The following ACCSL variants were observed in gnomAD, a reference collection of about 807,000 sequenced individuals.
ACCSL encodes probable inactive 1-aminocyclopropane-1-carboxylate synthase-like protein 2.
In ACCSL, 55 loss-of-function variants were observed where a neutral mutation model predicts 61.7. That is an observed-to-expected ratio of 0.89 (90% CI 0.72 to 1.12). The LOEUF (loss-of-function observed/expected upper bound fraction) is 1.12, where lower values mean the gene tolerates loss of function less well. ACCSL is among the 50% of genes most tolerant of loss of function. ACCSL has a pLI of 0.00. For synonymous variants in ACCSL, 258 were observed against 264.3 expected, an observed-to-expected ratio of 0.98 and a Z score of 0.23; for missense variants, 632 against 698.0, an observed-to-expected ratio of 0.91 and a Z score of 1.07.
At chr11:43,954,567 G>A in the ACCSL span, among the ~76,000 whole-genome samples, 1 of 150,268 alleles carries the variant, frequency 6.7e-6, no homozygotes, top group South Asian at 2.1e-4. Context: ...GTGCCATGTT[G>A]GCTGTTTCTT....
chr11:44,055,114 G>A, intron 8 of ACCSL, 88 bp from the exon 9 acceptor site: 4 of 926,320 alleles, frequency 4.3e-6, no homozygotes, highest in Non-Finnish European at 6.6e-6. Context: ...CATGACTTAA[G>A]ATTACAAAGA....
chr11:43,921,619 T>C, the ACCSL span, among the ~76,000 whole-genome samples: 4 of 152,320 alleles, frequency 2.6e-5, no homozygotes, highest in East Asian at 7.7e-4. Context: ...TCCTTACTAA[T>C]GAAAGAACTG....
At chr11:44,034,331 C>G in the ACCSL span, among the ~76,000 whole-genome samples, 1 of 152,090 alleles carries the variant, frequency 6.6e-6, no homozygotes, top group African/African-American at 2.4e-5. Flanking sequence ...TGACATGGCC[C>G]CTGGCTGAGC....
the ACCSL span, among the ~76,000 whole-genome samples, chr11:44,031,960 C>T: frequency 1.3e-5 from 2 of 152,274 alleles, no homozygotes; most frequent in East Asian, 1.9e-4. Flanking sequence ...TGGGAAATTC[C>T]CTCAAGCTCT....
chr11:44,039,647 C>T, the ACCSL span, among the ~76,000 whole-genome samples: 1 of 152,128 alleles, frequency 6.6e-6, no homozygotes, highest in Non-Finnish European at 1.5e-5. Flanking sequence ...TCCCAAAAAC[C>T]TATGGAAATA....
the ACCSL span, among the ~76,000 whole-genome samples, chr11:43,953,059 G>C: frequency 6.6e-6 from 1 of 152,132 alleles, no homozygotes; most frequent in African/African-American, 2.4e-5. Context: ...TCCTATCCCT[G>C]TCTGTCAGAG....
At chr11:43,925,684 ACTGT>A in the ACCSL span, among the ~76,000 whole-genome samples, 6 of 151,906 alleles carry the variant, frequency 3.9e-5, no homozygotes, top group East Asian at 2.0e-4. Flanking sequence ...TGCCGGAATG[ACTGT>A]CTGAGCCCTG....
chr11:43,990,066 C>G, the ACCSL span, among the ~76,000 whole-genome samples: 1 of 152,214 alleles, frequency 6.6e-6, no homozygotes, highest in Non-Finnish European at 1.5e-5. Context: ...GCCCTGACCC[C>G]AGCATGCCTG....
the ACCSL span, among the ~76,000 whole-genome samples, chr11:43,968,236 G>A: frequency 2.7e-5 from 4 of 148,698 alleles, no homozygotes; most frequent in African/African-American, 5.0e-5. Flanking sequence ...TTTAGGGTGA[G>A]ACCCTTTAGG....
chr11:43,987,933 C>G, the ACCSL span, among the ~76,000 whole-genome samples: 7 of 152,044 alleles, frequency 4.6e-5, no homozygotes, highest in South Asian at 2.1e-4. Flanking sequence ...TCCCCCACCC[C>G]CCCGCAGGGA....
chr11:44,051,611 A>G, intron 4 of ACCSL, 42 bp from the exon 5 acceptor site: 1 of 1,610,692 alleles, frequency 6.2e-7, no homozygotes, highest in Non-Finnish European at 8.5e-7. Context: ...CTTCTCACAT[A>G]GGTATTGGTT....
chr11:44,042,162 T>G, the ACCSL span, among the ~76,000 whole-genome samples: 1 of 152,206 alleles, frequency 6.6e-6, no homozygotes, highest in South Asian at 2.1e-4. Context: ...ATCAAATCTT[T>G]ATCACTATTT....
the ACCSL span, among the ~76,000 whole-genome samples, chr11:44,009,470 T>C: frequency 1.3e-5 from 2 of 152,080 alleles, no homozygotes; most frequent in Non-Finnish European, 2.9e-5. Flanking sequence ...AAGCTGCATA[T>C]AAAAAGTGCT....
chr11:44,057,787 T>G lies in ACCSL; in HGVS notation c.1328-530T>G, dbSNP rs58238346. On this transcript the variant is annotated intron_variant, in intron 11 of 13. Transcript: ENST00000378832. ...TCAAAGAGAACTTTCCTACTAGACCTTTGAGAAGCCCAGTGTCTCTACCAG... is the reference window on the plus strand; with the variant it reads ...TCAAAGAGAACTTTCCTACTAGACCGTTGAGAAGCCCAGTGTCTCTACCAG... 5.6e-3 allele frequency among the ~76,000 whole-genome samples: 850 copies of G among 152,326 alleles called. 11 individuals are homozygous for G. The highest frequency in any genetic ancestry group is 0.019 in the African/African-American group (809 of 41,574).
chr11:43,926,494 G>T, the ACCSL span: 1 of 456,008 alleles, frequency 2.2e-6, no homozygotes, highest in African/African-American at 2.0e-5. Flanking sequence ...TTACCAGGCT[G>T]GAATTCTGTT....
chr11:44,043,392 T>G (rs1952584793), upstream of ACCSL, among the ~76,000 whole-genome samples: 1 of 152,242 alleles, frequency 6.6e-6, no homozygotes, highest in African/African-American at 2.4e-5. Flanking sequence ...TTATTTTCTT[T>G]CAGTACATTG....
chr11:44,058,913 G>T (rs946683782), intron 13 of ACCSL, among the ~76,000 whole-genome samples: 6 of 152,114 alleles, frequency 3.9e-5, no homozygotes, highest in Non-Finnish European at 5.9e-5. Flanking sequence ...TTCTGTGACT[G>T]CCATTGAGTG....
chr11:44,025,707 T>C, the ACCSL span, among the ~76,000 whole-genome samples: 1 of 152,158 alleles, frequency 6.6e-6, no homozygotes. Context: ...ATGACTCCTT[T>C]AGTATTTCTT....
At chr11:44,032,657 C>A in the ACCSL span, among the ~76,000 whole-genome samples, 28 of 152,060 alleles carry the variant, frequency 1.8e-4, no homozygotes, top group African/African-American at 6.8e-4. Context: ...GGGGAGCGGG[C>A]GGATACGTGG....
Sources: allele counts gnomAD v4.1 joint callset (sites outside exome capture counted in the v4.1 genomes callset), GRCh38; gene constraint gnomAD v4.1.1; transcripts MANE v1.5; gene names NCBI Gene and HGNC (gene_info 2026-07-23, HGNC 2026-07-21).